The following RIMBP2 variants were observed in gnomAD, a reference collection of about 807,000 sequenced individuals.
RIMBP2 encodes the protein RIMS-binding protein 2.
RIMBP2 carries 48 observed loss-of-function variants against 118.6 expected under a neutral mutation model. The ratio of observed to expected loss-of-function variants is 0.40; its 90% CI spans 0.32 to 0.51. The LOEUF is 0.51. Among genes scored for constraint, RIMBP2 ranks in the 20% least tolerant of loss-of-function variants. The pLI, the probability that RIMBP2 is intolerant of heterozygous loss-of-function variation, is 0.41. For missense variants in RIMBP2, 1,551 were observed against 1,768.3 expected (o/e 0.88, Z 2.20); for synonymous variants, 762 against 742.9 (o/e 1.03, Z -0.42).
At chr12:130,657,104 TTCAGGTTGA>T (rs1351433770) in intron 1 of RIMBP2, among the ~76,000 whole-genome samples, 1 of 152,202 alleles carries the variant, frequency 6.6e-6, no homozygotes, top group African/African-American at 2.4e-5. Context: ...TGCTATGTTG[TTCAGGTTGA>T]TCTCAAACTC....
intron 2 of RIMBP2, among the ~76,000 whole-genome samples, chr12:130,557,345 T>C (rs2056449283): frequency 6.6e-6 from 1 of 152,182 alleles, no homozygotes; most frequent in Non-Finnish European, 1.5e-5. Context: ...CACACGTTTC[T>C]ATCTAAGCTG....
intron 2 of RIMBP2, among the ~76,000 whole-genome samples, chr12:130,549,897 GGTAT>G (rs975379346): frequency 9.2e-5 from 14 of 152,048 alleles, no homozygotes; most frequent in African/African-American, 3.4e-4. Flanking sequence ...CTGGGTCCAT[GGTAT>G]TTCTGCTCTT....
At chr12:130,552,116 G>T (rs2055855279) in intron 2 of RIMBP2, among the ~76,000 whole-genome samples, 1 of 152,208 alleles carries the variant, frequency 6.6e-6, no homozygotes, top group Non-Finnish European at 1.5e-5. Context: ...TGATGCTAAG[G>T]CATGGCAGAC....
intron 7 of RIMBP2, among the ~76,000 whole-genome samples, chr12:130,456,197 C>T (rs1263346222): frequency 6.6e-6 from 1 of 152,214 alleles, no homozygotes; most frequent in East Asian, 1.9e-4. Context: ...CAGACTGAGC[C>T]TCCATCAGCA....
At position 130,682,650 on chromosome 12, in the gene RIMBP2, G is replaced by A. The variant is rs76100029; in HGVS notation, c.-352+33572C>T. Among the ~76,000 whole-genome samples, 21 of 152,358 alleles carry A rather than the reference G, an allele frequency of 1.4e-4. No individual in the cohort carries two copies. The East Asian group carries it at 2.5e-3, about 18-fold the overall frequency. On this transcript the variant is annotated intron_variant, in intron 1 of 22. Coordinates refer to ENST00000690449, the MANE Select transcript of RIMBP2 (RefSeq NM_001393629.1). ...TCAAAACATATCAGACACGGAGTGCGTGCAGTGGTGGGCAGACGATCGATT... is the reference window on the plus strand; with the variant it reads ...TCAAAACATATCAGACACGGAGTGCATGCAGTGGTGGGCAGACGATCGATT...
chr12:130,443,378 A>G (rs569050348), intron 10 of RIMBP2, among the ~76,000 whole-genome samples: 9 of 152,318 alleles, frequency 5.9e-5, no homozygotes, highest in African/African-American at 2.2e-4. Flanking sequence ...CTAACAGCAG[A>G]CGGCCAGAAA....
chr12:130,550,219 T>G (rs1455798315), intron 2 of RIMBP2, among the ~76,000 whole-genome samples: 1 of 152,204 alleles, frequency 6.6e-6, no homozygotes, highest in Non-Finnish European at 1.5e-5. Context: ...CTGTGGCTTT[T>G]GTATGCTGCT....
chr12:130,656,540 C>T (rs557361428), intron 1 of RIMBP2, among the ~76,000 whole-genome samples: 159 of 151,460 alleles, frequency 1.0e-3, no homozygotes, highest in African/African-American at 3.6e-3. Flanking sequence ...GCAGCCCCAG[C>T]AGGCCTGTTT....
At chr12:130,639,199 G>A (rs370046075) in intron 1 of RIMBP2, among the ~76,000 whole-genome samples, 2 of 151,092 alleles carry the variant, frequency 1.3e-5, no homozygotes, top group African/African-American at 4.9e-5. Context: ...ACCAGCCTAG[G>A]CAACATAGTG....
At chr12:130,616,422 G>A (rs902368639) in intron 2 of RIMBP2, among the ~76,000 whole-genome samples, 2 of 152,126 alleles carry the variant, frequency 1.3e-5, no homozygotes, top group Non-Finnish European at 2.9e-5. Flanking sequence ...TCCTGGCTCG[G>A]GCCAGTGCGG....
rs560888883 is a variant in RIMBP2, at chr12:130,490,559, G to C, written c.-3-11543C>G. Among the ~76,000 whole-genome samples the C allele has an allele frequency of 1.3e-5, 2 of 152,312 alleles. 1 individual carries two copies. The highest frequency in any genetic ancestry group is 4.8e-5 in the African/African-American group (2 of 41,590). On this transcript the variant is annotated intron_variant, in intron 4 of 22. Transcript: ENST00000690449. ...CGGGGTACAGGGAGATGGGGGTGAA[G>C]ATAGAGGTGCTTGGTTTACCTCAAG...
chr12:130,635,646 C>T (rs1422354695), intron 1 of RIMBP2, among the ~76,000 whole-genome samples: 1 of 152,160 alleles, frequency 6.6e-6, no homozygotes, highest in Non-Finnish European at 1.5e-5. Context: ...CCCCAAGACA[C>T]TGGCAATTTC....
At chr12:130,440,076 C>A (rs902562832) in intron 11 of RIMBP2, among the ~76,000 whole-genome samples, 1 of 151,340 alleles carries the variant, frequency 6.6e-6, no homozygotes, top group African/African-American at 2.4e-5. Flanking sequence ...GCATGGCTAA[C>A]CCTGGCCGTA....
chr12:130,451,102 A>T, intron 8 of RIMBP2, 93 bp downstream of exon 8: 1 of 1,362,312 alleles, frequency 7.3e-7, no homozygotes, highest in Non-Finnish European at 1.0e-6. Flanking sequence ...AGGGAGGAAG[A>T]TGGGGAAGAA....
At chr12:130,686,937 C>T (rs928740223) in intron 1 of RIMBP2, among the ~76,000 whole-genome samples, 2 of 152,180 alleles carry the variant, frequency 1.3e-5, no homozygotes, top group African/African-American at 4.8e-5. Flanking sequence ...ACTCATTTGC[C>T]GGCGTATACC....
Position 130,424,418 on chromosome 12 carries a change from C to T in RIMBP2, c.2853G>A (p.Arg951=). ...GGGCCAGCAGCGGCCTCGGGCCCCT[C>T]CTGCAGGGACAGTGACCAGGGCCTG... ...CSPGPGHCPC[R]RGPRPLLARR... is the part of the protein sequence containing the mutation. The change falls in exon 16 of 23, where the codon AGG becomes AGA. Residue 951 remains arginine (R), a synonymous_variant. Coordinates refer to ENST00000690449, the MANE Select transcript of RIMBP2 (RefSeq NM_001393629.1). The surrounding 1 kb of genome is among the most constrained non-coding windows in gnomAD (Gnocchi z 9.8). The T allele has an allele frequency of 8.1e-7, 1 of 1,232,766 alleles. No homozygotes were observed. Among genetic ancestry groups the T allele is most frequent in the East Asian group, 3.2e-5 (1 of 31,706 alleles). 76.4% of individuals were successfully genotyped at this position (1,232,766 alleles called of 1,614,324 possible).
chr12:130,681,433 ATTT>A (rs924473945), intron 1 of RIMBP2, among the ~76,000 whole-genome samples: 8 of 152,256 alleles, frequency 5.3e-5, no homozygotes, highest in African/African-American at 1.9e-4. Context: ...TAGTTCCAGA[ATTT>A]TTTATCACTC....
chr12:130,665,588 A>G (rs1177200541), intron 1 of RIMBP2, among the ~76,000 whole-genome samples: 1 of 151,708 alleles, frequency 6.6e-6, no homozygotes, highest in African/African-American at 2.4e-5. Context: ...AGGAAACATC[A>G]GACAAACCCT....
Position 130,424,184 on chromosome 12 carries a change from G to T in RIMBP2, c.3087C>A (p.Ala1029=), listed in dbSNP as rs1193677702. 18 of 1,232,164 alleles carry T rather than the reference G, an allele frequency of 1.5e-5. No homozygotes were observed. Among genetic ancestry groups the T allele is most frequent in the Non-Finnish European group, 1.8e-5 (18 of 988,012 alleles). 76.3% of individuals were successfully genotyped at this position (1,232,164 alleles called of 1,614,324 possible). A position where few individuals can be genotyped will look rare whatever the true frequency, so the allele number is the denominator to read the frequency against. The change falls in exon 16 of 23, where the codon GCC becomes GCA. Residue 1029 remains alanine (A), a synonymous_variant. Transcript: ENST00000690449. The surrounding 1 kb of genome is among the most constrained non-coding windows in gnomAD (Gnocchi z 9.8). ...SITMPDSRAA[A]PHAKPPPRVA... ...CTCTGGGAGGTGGCTTTGCGTGGGG[G>T]GCAGCTGCCCTACTGTCGGGCATGG...
Sources: gnomAD v4.1 joint callset for allele counts (sites outside exome capture counted in the v4.1 genomes callset) on GRCh38, gnomAD v4.1.1 for gene constraint, Gnocchi (gnomAD v3.1) non-coding constraint, MANE v1.5 for transcripts, NCBI Gene and HGNC (gene_info 2026-07-23, HGNC 2026-07-21) for gene names.